ANGPT2: variants seen among roughly 807,000 people sequenced by gnomAD.
The protein encoded by ANGPT2 is angiopoietin-2.
ANGPT2 carries 28 observed loss-of-function variants against 62.9 expected under a neutral mutation model. The ratio of observed to expected loss-of-function variants is 0.44; its 90% CI spans 0.33 to 0.61. The LOEUF (loss-of-function observed/expected upper bound fraction) is 0.61. ANGPT2 is among the 20% of genes least tolerant of loss of function. The probability of loss-of-function intolerance (pLI) is 0.03; values close to 1 mark genes in which losing one functional copy is unlikely to be tolerated. For synonymous variants in ANGPT2, 284 were observed against 207.8 expected (o/e 1.37, Z -3.15); for missense variants, 727 against 594.9 (o/e 1.22, Z -2.31).
At chr8:6,518,500 T>G (rs1816720960) in intron 5 of ANGPT2, among the ~76,000 whole-genome samples, 1 of 152,224 alleles carries the variant, frequency 6.6e-6, no homozygotes, top group South Asian at 2.1e-4. Context: ...GAAAGGTTTC[T>G]TTGGAAAGCA....
At chr8:6,513,975 T>G (rs1356188441) in intron 6 of ANGPT2, 131 bp from the exon 7 acceptor site, 17 of 873,482 alleles carry the variant, frequency 1.9e-5, no homozygotes, top group Non-Finnish European at 2.9e-5. Flanking sequence ...TGTGACAATT[T>G]AGGGTCCTTC....
chr8:6,505,659 T>A (rs1813461278), intron 8 of ANGPT2, among the ~76,000 whole-genome samples: 1 of 130,810 alleles, frequency 7.6e-6, no homozygotes, highest in Non-Finnish European at 1.6e-5. Context: ...TCTATTTATA[T>A]ATAGAATATA....
At chr8:6,515,863 TAA>T (rs1816166872) in intron 5 of ANGPT2, among the ~76,000 whole-genome samples, 1 of 152,202 alleles carries the variant, frequency 6.6e-6, no homozygotes, top group African/African-American at 2.4e-5. Context: ...GTTAGAATCC[TAA>T]AGAGGAGAGC....
chr8:6,505,436 AT>A (rs1563307086), intron 8 of ANGPT2, among the ~76,000 whole-genome samples: 1 of 80,446 alleles, frequency 1.2e-5, no homozygotes, highest in Non-Finnish European at 2.6e-5. Context: ...GAATATATAT[AT>A]TCTTTATATA....
rs1354360170 is a variant in ANGPT2 at position 6,500,129 on chromosome 8, G to C, written c.*2972C>G. On this transcript the variant is annotated 3_prime_UTR_variant, in exon 9 of 9. Coordinates refer to ENST00000629816, the MANE Select transcript of ANGPT2 (RefSeq NM_001118887.2). ...AGAACGTGAGACCATTGTGCAAAAA[G>C]TAGTGAGGAATGCAGTCCAAAGAAA... 2.7e-5 allele frequency: 16 copies of C among 582,010 alleles called. No individual in the cohort carries two copies. Among genetic ancestry groups the C allele is most frequent in the Non-Finnish European group, 3.1e-6 (1 of 324,086 alleles). 36.1% of individuals were successfully genotyped at this position (582,010 alleles called of 1,614,324 possible). A position where few individuals can be genotyped will look rare whatever the true frequency, so the allele number is the denominator to read the frequency against.
At position 6,500,024 on chromosome 8, in the gene ANGPT2, A is replaced by T. The variant is rs1312265949; in HGVS notation, c.*3077T>A. The T allele has an allele frequency of 3.0e-6, 3 of 1,003,350 alleles. No homozygotes were observed. The highest frequency in any genetic ancestry group is 4.8e-6 in the Non-Finnish European group (3 of 629,786). The allele number at this position is 1,003,350 out of a possible 1,614,324, so 62.2% of individuals were successfully genotyped here. On this transcript the variant is annotated 3_prime_UTR_variant, in exon 9 of 9. Coordinates refer to ENST00000629816, the MANE Select transcript of ANGPT2 (RefSeq NM_001118887.2). The stretch of plus-strand genomic sequence containing the variant: ...GGTGGACTTAAGTTTTTATCCAGTC[A>T]AGCACAATTATGCCCATAATTAAAA...
Position 6,527,611 on chromosome 8 carries a change from C to G in ANGPT2, c.510G>C (p.Leu170Phe). Residue 170 changes from leucine (L) to phenylalanine (F), a missense_variant, in exon 3 of 9, where the codon TTG (leucine) becomes TTC (phenylalanine). Coordinates refer to ENST00000629816, the MANE Select transcript of ANGPT2 (RefSeq NM_001118887.2). ...LLEHSLSTNK[L>F]EKQILDQTSE... ...TGGTCTGGTCCAAAATCTGTTTTTCCAATTTGTTTGTCGAGAGGGAGTGTT... is the reference window on the plus strand; with the variant it reads ...TGGTCTGGTCCAAAATCTGTTTTTCGAATTTGTTTGTCGAGAGGGAGTGTT... 6.2e-7 allele frequency: 1 copy of G among 1,613,720 alleles called. No individual in the cohort carries two copies. The highest frequency in any genetic ancestry group is 8.5e-7 in the Non-Finnish European group (1 of 1,179,854).
intron 2 of ANGPT2, 35 bp downstream of exon 2, chr8:6,532,297 C>G: frequency 1.2e-6 from 2 of 1,613,440 alleles, no homozygotes; most frequent in Non-Finnish European, 1.7e-6. Flanking sequence ...TCTCTAGCTG[C>G]AGGGACACCG....
intron 1 of ANGPT2, among the ~76,000 whole-genome samples, chr8:6,557,698 C>CAA (rs1246602744): frequency 6.6e-6 from 1 of 151,504 alleles, no homozygotes. Flanking sequence ...TACACACACA[C>CAA]ACACACACAC....
chr8:6,538,303 C>T (rs1820876249), intron 1 of ANGPT2, among the ~76,000 whole-genome samples: 1 of 152,186 alleles, frequency 6.6e-6, no homozygotes, highest in African/African-American at 2.4e-5. Context: ...TTCTACCCCC[C>T]ATGATCCCAT....
rs3045054 is a variant in ANGPT2, at chr8:6,505,175, A to AATATATATATATATATATTCTTATGT, written c.1328-1915_1328-1914insACATAAGAATATATATATATATATAT. ...TCTTAATAAAAACTCTATGCCAAAG[A>AATATATATATATATATATTCTTATGT]ATATATATATATATATTCTTATGTA... On this transcript the variant is annotated intron_variant, in intron 8 of 8. Transcript: ENST00000629816. 6.3e-5 allele frequency among the ~76,000 whole-genome samples: 6 copies of AATATATATATATATATATTCTTATGT among 95,786 alleles called. 1 individual carries two copies. Among genetic ancestry groups the AATATATATATATATATATTCTTATGT allele is most frequent in the Non-Finnish European group, 1.2e-4 (6 of 48,518 alleles). The allele number at this position is 95,786 out of a possible 152,430, so 62.8% of individuals were successfully genotyped here.
At chr8:6,526,257 TAAAAAAAAAA>T (rs35519559) in intron 3 of ANGPT2, among the ~76,000 whole-genome samples, 42 of 77,498 alleles carry the variant, frequency 5.4e-4, no homozygotes, top group African/African-American at 1.3e-3. Flanking sequence ...TTGCCTCTAC[TAAAAAAAAAA>T]AAAAAAAAAA....
intron 5 of ANGPT2, among the ~76,000 whole-genome samples, chr8:6,515,567 G>T (rs777542903): frequency 6.6e-6 from 1 of 152,092 alleles, no homozygotes; most frequent in Non-Finnish European, 1.5e-5. Flanking sequence ...TAAGCTAAGC[G>T]CATGCATGCT....
rs575824036 is a variant in ANGPT2, at chr8:6,499,900, G to T, written c.*3201C>A. ...TCACTGGATTTCTGAGGAGCCGTTC[G>T]AACTGTCTCACCACTTCCCTGCAGC... On this transcript the variant is annotated 3_prime_UTR_variant, in exon 9 of 9. Coordinates refer to ENST00000629816, the MANE Select transcript of ANGPT2 (RefSeq NM_001118887.2). 6.2e-7 allele frequency: 1 copy of T among 1,613,636 alleles called. No homozygotes were observed.
chr8:6,520,549 C>G (rs2515439), intron 4 of ANGPT2, among the ~76,000 whole-genome samples: 10,611 of 152,138 alleles, frequency 0.07, 438 homozygotes, highest in African/African-American at 0.11. Flanking sequence ...GTGCCCACCA[C>G]CAAGCCCAGC....
intron 1 of ANGPT2, among the ~76,000 whole-genome samples, chr8:6,540,252 C>G (rs946457040): frequency 2.0e-5 from 3 of 152,122 alleles, no homozygotes; most frequent in Non-Finnish European, 4.4e-5. Context: ...TTGTGTGTTT[C>G]CCTTACCACT....
rs4840457 is a variant in ANGPT2, at chr8:6,551,161, T to G, written c.288+11486A>C. Among the ~76,000 whole-genome samples the G allele has an allele frequency of 7.9e-5, 12 of 152,250 alleles. No homozygotes were observed. In the South Asian group the frequency reaches 2.5e-3, roughly 32 times the overall value. On this transcript the variant is annotated intron_variant, in intron 1 of 8. Coordinates refer to ENST00000629816, the MANE Select transcript of ANGPT2 (RefSeq NM_001118887.2). ...CTGTGCTGATGCTGACTTAGGATTT[T>G]AAATCACTTAAATTTGAGCTGGATA...
At position 6,563,227 on chromosome 8, in the gene ANGPT2, C is replaced by A. The variant is rs1563133553; in HGVS notation, c.-293G>T. The stretch of plus-strand genomic sequence containing the variant: ...TCACGGTCCTTTGTTCCTCTCTCCC[C>A]AGATCCTACAGTGTCAGTATCCGAA... On this transcript the variant is annotated 5_prime_UTR_variant, in exon 1 of 9. Transcript: ENST00000629816. 4 of 249,328 alleles carry A rather than the reference C, an allele frequency of 1.6e-5. No individual in the cohort carries two copies. Among genetic ancestry groups the A allele is most frequent in the Non-Finnish European group, 3.2e-5 (4 of 125,726 alleles). The allele number at this position is 249,328 out of a possible 1,614,324, so 15.4% of individuals were successfully genotyped here. A position where few individuals can be genotyped will look rare whatever the true frequency, so the allele number is the denominator to read the frequency against.
intron 1 of ANGPT2, among the ~76,000 whole-genome samples, chr8:6,550,318 T>C (rs1823406756): frequency 6.6e-6 from 1 of 152,124 alleles, no homozygotes; most frequent in South Asian, 2.1e-4. Context: ...CCTATGTGTG[T>C]GGGTCCTGGG....
Sources: allele counts gnomAD v4.1 joint callset (sites outside exome capture counted in the v4.1 genomes callset), GRCh38; gene constraint gnomAD v4.1.1; transcripts MANE v1.5; gene names NCBI Gene and HGNC (gene_info 2026-07-23, HGNC 2026-07-21).